Variants in MLC1 observed in about 807,000 individuals in gnomAD.
The protein encoded by MLC1 is membrane protein MLC1.
In MLC1, 32 loss-of-function variants were observed where a neutral mutation model predicts 44.7. That is an observed-to-expected ratio of 0.72 (90% CI 0.54 to 0.96). The LOEUF is 0.96. Ranked by LOEUF, MLC1 falls within the 40% of genes least tolerant of loss-of-function variation. The pLI is 0.00. For synonymous variants in MLC1, 190 were observed against 213.0 expected (o/e 0.89, Z 0.94); for missense variants, 459 against 492.2 (o/e 0.93, Z 0.64).
At chr22:50,063,282 A>G (rs538105122) in intron 11 of MLC1, among the ~76,000 whole-genome samples, 46 of 152,052 alleles carry the variant, frequency 3.0e-4, no homozygotes, top group Non-Finnish European at 5.7e-4. Context: ...AGACCAGTCT[A>G]ACCAACATAG....
chr22:50,079,206 C>T (rs1434911170), intron 5 of MLC1, among the ~76,000 whole-genome samples: 4 of 152,038 alleles, frequency 2.6e-5, no homozygotes, highest in Non-Finnish European at 5.9e-5. Context: ...ATTGCTTGAA[C>T]CCGGGAGGTA....
intron 5 of MLC1, among the ~76,000 whole-genome samples, chr22:50,078,142 AC>A (rs1334003275): frequency 1.3e-5 from 2 of 151,738 alleles, no homozygotes; most frequent in Admixed American, 6.6e-5. Flanking sequence ...ACAGGCACCT[AC>A]CAGCACGCCC....
intron 1 of MLC1, 39 bp from the exon 2 acceptor site, chr22:50,085,000 A>C: frequency 6.4e-7 from 1 of 1,550,856 alleles, no homozygotes; most frequent in South Asian, 1.2e-5. Flanking sequence ...CACTCTGAGG[A>C]AACTTCAATA....
In MLC1 at chr22:50,063,021, C is replaced by T. The variant is rs191870173; in HGVS notation, c.1059+1013G>A. 4.6e-5 allele frequency among the ~76,000 whole-genome samples: 7 copies of T among 152,282 alleles called. No homozygotes were observed. The East Asian group carries it at 5.8e-4, about 13-fold the overall frequency. On this transcript the variant is annotated intron_variant, in intron 11 of 11. Transcript: ENST00000311597. ...GTGGGCATTGCCTTCCCTGCAGAACCGCGTCCCCACCAGAGACCAGGGAAG... is the reference window on the plus strand; with the variant it reads ...GTGGGCATTGCCTTCCCTGCAGAACTGCGTCCCCACCAGAGACCAGGGAAG...
chr22:50,064,140 AGGCCGGCCT>A lies in MLC1; in HGVS notation c.944_952del (p.Gln315_Gly317del). ...GCACTGGATGGCGGTGCCCGTGTTG[AGGCCGGCCT>A]GCAGCAGGAGCACTAGCAGCAGCAG... is the stretch of plus-strand genomic sequence containing the variant. On this transcript the variant is annotated inframe_deletion, in exon 11 of 12. Transcript: ENST00000311597. 1 of 1,608,756 alleles carries A rather than the reference AGGCCGGCCT, an allele frequency of 6.2e-7. No individual in the cohort carries two copies. The highest frequency in any genetic ancestry group is 8.5e-7 in the Non-Finnish European group (1 of 1,179,840).
chr22:50,084,734 G>A lies in MLC1; in HGVS notation c.169C>T (p.Leu57=). Residue 57 remains leucine, a synonymous_variant, in exon 2 of 12, where the codon CTG becomes TTG. Coordinates refer to ENST00000311597, the MANE Select transcript of MLC1 (RefSeq NM_015166.4). The part of the protein sequence containing the change: ...FSHKTWVFSV[L]MGSCLLVTSG... The stretch of plus-strand genomic sequence containing the variant: ...AGTGTGGAGCTACTCACCCCCATCA[G>A]CACAGAGAAGACCCACGTCTTGTGG... 6.2e-7 allele frequency: 1 copy of A among 1,614,058 alleles called. No homozygotes were observed.
chr22:50,073,806 T>G lies in MLC1; in HGVS notation c.714+410A>C, dbSNP rs2061916163. On this transcript the variant is annotated intron_variant, in intron 8 of 11. Transcript: ENST00000311597. ...AGCATGTGGCATGTGTCAGGTGCTG[T>G]GTGACACATCTGCTGCAGTAACATT... Among the ~76,000 whole-genome samples the G allele has an allele frequency of 2.6e-5, 4 of 152,290 alleles. No individual in the cohort carries two copies. The South Asian group carries it at 8.3e-4, about 32-fold the overall frequency.
At position 50,061,243 on chromosome 22, in the gene MLC1, A is replaced by C; in HGVS notation, c.*340T>G. 2.5e-6 allele frequency: 1 copy of C among 406,310 alleles called. No homozygotes were observed. The highest frequency in any genetic ancestry group is 2.2e-5 in the South Asian group (1 of 45,902). 25.2% of individuals were successfully genotyped at this position (406,310 alleles called of 1,614,324 possible). On this transcript the variant is annotated 3_prime_UTR_variant, in exon 12 of 12. Transcript: ENST00000311597. ...AGAGCCCACTCCAGCCCAAGCCATG[A>C]GAGAGGCAGGAAGAGGAGCTGGGGC...
chr22:50,078,968 C>T (rs1354817669), intron 5 of MLC1, among the ~76,000 whole-genome samples: 3 of 152,066 alleles, frequency 2.0e-5, no homozygotes, highest in Admixed American at 6.6e-5. Context: ...GACCACACCC[C>T]ATCTGCTCTC....
chr22:50,074,212 T>C lies in MLC1; in HGVS notation c.714+4A>G, dbSNP rs1379188835. 5 of 1,610,634 alleles carry C rather than the reference T, an allele frequency of 3.1e-6. No homozygotes were observed. Among genetic ancestry groups the C allele is most frequent in the Non-Finnish European group, 4.2e-6 (5 of 1,178,164 alleles). ...GCGGCGGGCGGGCCAGAGGGGTTAC[T>C]CACGGCCACTAGGATCCAAAAGAAC... On this transcript the variant is annotated splice_donor_region_variant and intron_variant, in intron 8 of 11. Transcript: ENST00000311597.
intron 7 of MLC1, 45 bp downstream of exon 7, chr22:50,076,796 C>A (rs1487908934): frequency 6.9e-6 from 11 of 1,594,702 alleles, no homozygotes; most frequent in Middle Eastern, 1.7e-4. Context: ...TCAGTCACCC[C>A]CGACAGAGTA....
chr22:50,079,284 A>AAAAACAAAAC (rs139144031), intron 5 of MLC1, among the ~76,000 whole-genome samples: 2 of 151,460 alleles, frequency 1.3e-5, no homozygotes, highest in Non-Finnish European at 2.9e-5. Flanking sequence ...ATTCCTTCTC[A>AAAAACAAAAC]AAAACAAAAC....
At chr22:50,076,226 A>G (rs75982207) in intron 7 of MLC1, among the ~76,000 whole-genome samples, 420 of 152,316 alleles carry the variant, frequency 2.8e-3, no homozygotes, top group African/African-American at 9.5e-3. Flanking sequence ...TATAACAATT[A>G]TACCAAAGTA....
At chr22:50,079,095 C>G (rs1282712907) in intron 5 of MLC1, among the ~76,000 whole-genome samples, 1 of 152,070 alleles carries the variant, frequency 6.6e-6, no homozygotes, top group African/African-American at 2.4e-5. Flanking sequence ...GCCAGCCTGG[C>G]CAACATGGTG....
chr22:50,065,173 C>A (rs1196372933), intron 10 of MLC1, among the ~76,000 whole-genome samples: 1 of 152,172 alleles, frequency 6.6e-6, no homozygotes, highest in African/African-American at 2.4e-5. Flanking sequence ...CCTGCTTCGG[C>A]CTCCCAAACT....
chr22:50,062,222 C>A (rs1428552082), intron 11 of MLC1, among the ~76,000 whole-genome samples: 5 of 138,434 alleles, frequency 3.6e-5, no homozygotes, highest in African/African-American at 7.9e-5. Context: ...CCCTGAGCCC[C>A]AGCCGCCCAC....
chr22:50,074,427 G>A (rs2061931367), intron 7 of MLC1, 95 bp from the exon 8 acceptor site: 3 of 1,140,922 alleles, frequency 2.6e-6, no homozygotes, highest in Non-Finnish European at 4.0e-6. Flanking sequence ...CAGGAGCAGG[G>A]TCCAGTGGGC....
Position 50,084,956 on chromosome 22 carries a change from CTTT to C in MLC1, c.-57_-55del. ...AATGTACAGCCACGTGTCACCAGTT[CTTT>C]ATCTGGAATAAAATTATCATCGGCT... On this transcript the variant is annotated splice_region_variant and 5_prime_UTR_variant, in exon 2 of 12. It adds an upstream start codon to the 5' untranslated region. Transcript: ENST00000311597. 1 of 1,600,578 alleles carries C rather than the reference CTTT, an allele frequency of 6.2e-7. No individual in the cohort carries two copies. Among genetic ancestry groups the C allele is most frequent in the Non-Finnish European group, 8.5e-7 (1 of 1,178,322 alleles).
chr22:50,077,266 GGA>G, intron 6 of MLC1, 133 bp downstream of exon 6: 2 of 839,828 alleles, frequency 2.4e-6, no homozygotes, highest in South Asian at 3.0e-5. Flanking sequence ...CTGAGACCCA[GGA>G]GAGAGGGGTC....
Sources: allele counts gnomAD v4.1 joint callset (sites outside exome capture counted in the v4.1 genomes callset), GRCh38; gene constraint gnomAD v4.1.1; transcripts MANE v1.5; gene names NCBI Gene and HGNC (gene_info 2026-07-23, HGNC 2026-07-21).